ANXA8: variants seen among roughly 807,000 people sequenced by gnomAD.
ANXA8 encodes VAC-beta.
Under a neutral mutation model 26.8 loss-of-function variants are expected in ANXA8, and 9 were observed. That is an observed-to-expected ratio of 0.34 (90% CI 0.20 to 0.59). The LOEUF (loss-of-function observed/expected upper bound fraction) is 0.59. Among genes scored for constraint, ANXA8 ranks in the 20% least tolerant of loss-of-function variants. ANXA8 has a pLI of 0.84. For synonymous variants in ANXA8, 39 were observed against 94.8 expected (o/e 0.41, Z 3.42); for missense variants, 83 against 238.5 (o/e 0.35, Z 4.29).
At chr10:47,687,545 G>A in the ANXA8 span, among the ~76,000 whole-genome samples, 5 of 151,862 alleles carry the variant, frequency 3.3e-5, no homozygotes, top group South Asian at 2.1e-4. Context: ...GATTACAGGC[G>A]TGAGCCACCA....
chr10:47,948,607 C>T, the ANXA8 span, among the ~76,000 whole-genome samples: 1 of 148,446 alleles, frequency 6.7e-6, no homozygotes, highest in Non-Finnish European at 1.5e-5. Context: ...CTTTAGTAAC[C>T]TGTGGGAAAA....
the ANXA8 span, among the ~76,000 whole-genome samples, chr10:47,587,758 G>C: frequency 6.8e-6 from 1 of 146,580 alleles, no homozygotes. Context: ...GACTTAGTGT[G>C]CTTCCAGTGT....
At chr10:47,526,255 C>A in the ANXA8 span, among the ~76,000 whole-genome samples, 23 of 121,250 alleles carry the variant, frequency 1.9e-4, 1 homozygote, top group African/African-American at 3.8e-4. Flanking sequence ...CAGGATCCCG[C>A]CCCCATGCTC....
At chr10:47,751,268 C>T in the ANXA8 span, 5 of 136,232 alleles carry the variant, frequency 3.7e-5, no homozygotes, top group African/African-American at 1.4e-4. Flanking sequence ...CTTATTAGCT[C>T]TAGTAGTTTT....
At chr10:47,723,701 G>T in the ANXA8 span, among the ~76,000 whole-genome samples, 1 of 135,716 alleles carries the variant, frequency 7.4e-6, no homozygotes, top group East Asian at 3.1e-4. Flanking sequence ...CATTCTGCCT[G>T]GATGATCACA....
chr10:47,976,454 T>A, the ANXA8 span, among the ~76,000 whole-genome samples: 1 of 151,340 alleles, frequency 6.6e-6, no homozygotes. Context: ...ACTCCTATAA[T>A]CCTAGCACTT....
the ANXA8 span, among the ~76,000 whole-genome samples, chr10:47,929,970 TCA>T: frequency 6.6e-6 from 1 of 152,196 alleles, no homozygotes; most frequent in South Asian, 2.1e-4. Flanking sequence ...AATTTCACAG[TCA>T]CAGTCTCCAC....
the ANXA8 span, among the ~76,000 whole-genome samples, chr10:47,558,667 T>A: frequency 6.6e-6 from 1 of 151,562 alleles, no homozygotes; most frequent in African/African-American, 2.4e-5. Context: ...ACTACAGGCA[T>A]GAGCCACCAT....
the ANXA8 span, among the ~76,000 whole-genome samples, chr10:47,666,575 C>A: frequency 6.6e-6 from 1 of 151,872 alleles, no homozygotes; most frequent in Admixed American, 6.6e-5. Context: ...TTCTTTTTCC[C>A]TCTAATTCAT....
chr10:47,483,772 C>T, intron 1 of ANXA8, 141 bp downstream of exon 1: 3 of 1,596,958 alleles, frequency 1.9e-6, no homozygotes, highest in Admixed American at 3.4e-5. Flanking sequence ...CCCTTCCCAC[C>T]CTCCATGCTT....
chr10:47,916,581 C>T, the ANXA8 span, among the ~76,000 whole-genome samples: 2 of 131,362 alleles, frequency 1.5e-5, no homozygotes, highest in African/African-American at 2.6e-5. Flanking sequence ...TCAGTTTTCT[C>T]GCCTGTGAGA....
chr10:47,692,944 G>A, the ANXA8 span, among the ~76,000 whole-genome samples: 3 of 151,016 alleles, frequency 2.0e-5, no homozygotes, highest in Admixed American at 2.0e-4. Context: ...CATGTTGGCC[G>A]GGCTGGTTTC....
the ANXA8 span, among the ~76,000 whole-genome samples, chr10:47,522,030 G>T: frequency 6.6e-6 from 1 of 150,448 alleles, no homozygotes; most frequent in Non-Finnish European, 1.5e-5. Context: ...CAGGTGATCC[G>T]CCTGCCACAG....
the ANXA8 span, among the ~76,000 whole-genome samples, chr10:47,544,044 AAAG>A: frequency 6.6e-6 from 1 of 151,138 alleles, no homozygotes; most frequent in Non-Finnish European, 1.5e-5. Flanking sequence ...ATCACAGCAC[AAAG>A]AAGAGCACAA....
At chr10:47,503,138 T>G in the ANXA8 span, 1 of 1,610,504 alleles carries the variant, frequency 6.2e-7, no homozygotes, top group Non-Finnish European at 8.5e-7. Context: ...CGAAGGTCAA[T>G]CTCTTTTTTA....
the ANXA8 span, among the ~76,000 whole-genome samples, chr10:47,732,772 G>A: frequency 6.9e-6 from 1 of 144,338 alleles, no homozygotes; most frequent in Non-Finnish European, 1.5e-5. Flanking sequence ...CATCAAATGA[G>A]TTGACAACAT....
the ANXA8 span, chr10:47,726,991 A>C: frequency 7.2e-7 from 1 of 1,397,276 alleles, no homozygotes; most frequent in Non-Finnish European, 1.0e-6. Flanking sequence ...AAGTTGTTTT[A>C]TTCAGGAGTA....
chr10:47,666,272 G>A, the ANXA8 span, among the ~76,000 whole-genome samples: 1 of 148,220 alleles, frequency 6.7e-6, no homozygotes, highest in Non-Finnish European at 1.5e-5. Context: ...GGGTAGACAA[G>A]GTAAGTATTC....
chr10:47,559,559 A>G, the ANXA8 span, among the ~76,000 whole-genome samples: 1 of 151,842 alleles, frequency 6.6e-6, no homozygotes, highest in Non-Finnish European at 1.5e-5. Context: ...GTTTGTGGGT[A>G]CATTGTGTCT....
Sources: gnomAD v4.1 joint callset for allele counts (sites outside exome capture counted in the v4.1 genomes callset) on GRCh38, gnomAD v4.1.1 for gene constraint, MANE v1.5 for transcripts, NCBI Gene and HGNC (gene_info 2026-07-23, HGNC 2026-07-21) for gene names.